Variants in TCF3 observed in about 807,000 individuals in gnomAD.
The protein encoded by TCF3 is transcription factor 3, also known as transcription factor E2-alpha.
Under a neutral mutation model 72.3 loss-of-function variants are expected in TCF3, and 54 were observed. The observed-to-expected ratio is 0.75, with a 90% CI of 0.60 to 0.94. The LOEUF is 0.94. Ranked by LOEUF, TCF3 falls within the 40% of genes least tolerant of loss-of-function variation. TCF3 has a pLI of 0.00. For missense variants in TCF3, 1,078 were observed against 934.4 expected, an observed-to-expected ratio of 1.15 and a Z score of -2.00; for synonymous variants, 525 against 412.6, an observed-to-expected ratio of 1.27 and a Z score of -3.30.
At chr19:1,629,386 C>T (rs1166094883) in intron 5 of TCF3, among the ~76,000 whole-genome samples, 3 of 152,294 alleles carry the variant, frequency 2.0e-5, no homozygotes, top group East Asian at 1.9e-4. Flanking sequence ...CGAATGAGCA[C>T]GTGACCTGCA....
chr19:1,632,105 C>T lies in TCF3; in HGVS notation c.231G>A (p.Glu77=). Residue 77 remains glutamate, a synonymous_variant, in exon 5 of 19, where the codon GAG becomes GAA. Transcript: ENST00000262965. ...SSFDPSRTFS[E]GTHFTESHSS... Reference sequence around the variant, plus strand: ...TGTGCGACTCAGTGAAGTGGGTGCCCTCGCTGAAGGTCTAGGGGAGATGGG... The same window carrying T: ...TGTGCGACTCAGTGAAGTGGGTGCCTTCGCTGAAGGTCTAGGGGAGATGGG... 6.2e-7 allele frequency: 1 copy of T among 1,613,168 alleles called. No homozygotes were observed.
At chr19:1,648,947 G>C (rs185146251) in intron 2 of TCF3, among the ~76,000 whole-genome samples, 1 of 152,138 alleles carries the variant, frequency 6.6e-6, no homozygotes, top group Non-Finnish European at 1.5e-5. Context: ...CCGAGGCCCC[G>C]GGCCTTTACA....
intron 2 of TCF3, among the ~76,000 whole-genome samples, chr19:1,646,989 G>A (rs2066214276): frequency 6.6e-6 from 1 of 152,182 alleles, no homozygotes; most frequent in South Asian, 2.1e-4. Flanking sequence ...TACCAGGGCT[G>A]GGTATGGGTT....
chr19:1,649,364 T>C (rs6510615), intron 2 of TCF3, among the ~76,000 whole-genome samples: 36,122 of 152,224 alleles, frequency 0.24, 5,070 homozygotes, highest in East Asian at 0.62. Context: ...TGGGGCAGGT[T>C]GTGTCTGCCC....
chr19:1,649,019 G>GAAC (rs1264348161), intron 2 of TCF3, among the ~76,000 whole-genome samples: 2 of 152,224 alleles, frequency 1.3e-5, no homozygotes, highest in Admixed American at 6.5e-5. Flanking sequence ...GCACCTGCCT[G>GAAC]AACTGTGTGA....
rs1174222399 is a variant in TCF3 at position 1,623,941 on chromosome 19, T to A, written c.549+10A>T. On this transcript the variant is annotated intron_variant, in intron 8 of 18. Transcript: ENST00000262965. The stretch of plus-strand genomic sequence containing the variant: ...GAGCTGTGGGGTCCCTTCTCCCTCG[T>A]GCGACTCACCGAGGATGGAAGACCC... 1 of 1,613,188 alleles carries A rather than the reference T, an allele frequency of 6.2e-7. No homozygotes were observed.
chr19:1,622,585 G>C (rs896632826), intron 8 of TCF3, among the ~76,000 whole-genome samples, 170 bp from the exon 9 acceptor site: 2 of 152,058 alleles, frequency 1.3e-5, no homozygotes, highest in African/African-American at 4.8e-5. Flanking sequence ...CAAGTTTGAG[G>C]TTCTTATGAT....
chr19:1,619,713 T>C (rs2061942797), intron 14 of TCF3, 67 bp downstream of exon 14: 3 of 1,207,580 alleles, frequency 2.5e-6, no homozygotes, highest in Non-Finnish European at 3.3e-6. Context: ...GGTTTCTCCT[T>C]CTCAAGGAGC....
chr19:1,650,275 A>C lies in TCF3; in HGVS notation c.-27T>G. ...CTCCTGGGGCCAGGGCGGGCACCTC[A>C]GGCCTGGAAACCCTGCTTGGTGGAT... On this transcript the variant is annotated 5_prime_UTR_variant, in exon 2 of 19. The change abolishes the stop of an existing upstream ORF in the 5' untranslated region. Transcript: ENST00000262965. 6.5e-7 allele frequency: 1 copy of C among 1,549,722 alleles called. No individual in the cohort carries two copies. Among genetic ancestry groups the C allele is most frequent in the South Asian group, 1.2e-5 (1 of 84,416 alleles).
chr19:1,611,621 G>A lies in TCF3; in HGVS notation c.*86C>T, dbSNP rs2060990932. ...CAACAGGTGTGTGAGGTGTGGATGT[G>A]GATGAAGCCCGGGGTCTCGAGTGGC... On this transcript the variant is annotated 3_prime_UTR_variant, in exon 19 of 19. Coordinates refer to ENST00000262965, the MANE Select transcript of TCF3 (RefSeq NM_003200.5). The A allele has an allele frequency of 4.6e-6, 7 of 1,519,188 alleles. No individual in the cohort carries two copies. The highest frequency in any genetic ancestry group is 6.2e-6 in the Non-Finnish European group (7 of 1,126,906). The allele number at this position is 1,519,188 out of a possible 1,614,324, so 94.1% of individuals were successfully genotyped here.
At chr19:1,626,756 C>T (rs1486998217) in intron 6 of TCF3, among the ~76,000 whole-genome samples, 4 of 152,202 alleles carry the variant, frequency 2.6e-5, no homozygotes, top group African/African-American at 7.2e-5. Context: ...GAGCCTGGCA[C>T]CCGGCTGGCC....
chr19:1,638,981 G>C (rs990981876), intron 3 of TCF3, among the ~76,000 whole-genome samples: 17 of 152,326 alleles, frequency 1.1e-4, no homozygotes, highest in African/African-American at 3.6e-4. Context: ...GGAGCACAAA[G>C]ATCTGCCAAG....
intron 6 of TCF3, 48 bp downstream of exon 6, chr19:1,627,311 G>A (rs1301070553): frequency 2.6e-6 from 4 of 1,513,036 alleles, no homozygotes; most frequent in Admixed American, 1.9e-5. Context: ...GTGGGTGACA[G>A]ATTTGTTTAA....
At chr19:1,644,635 C>T (rs1447236573) in intron 3 of TCF3, among the ~76,000 whole-genome samples, 2 of 152,234 alleles carry the variant, frequency 1.3e-5, no homozygotes, top group African/African-American at 2.4e-5. Context: ...TTGGCAGGTT[C>T]CTGCTGGGAC....
intron 3 of TCF3, among the ~76,000 whole-genome samples, chr19:1,645,586 C>A (rs1568501658): frequency 6.6e-6 from 1 of 152,378 alleles, no homozygotes; most frequent in South Asian, 2.1e-4. Flanking sequence ...ACCCTCAGGG[C>A]TCTGCCCCGA....
chr19:1,636,643 C>T lies in TCF3; in HGVS notation c.146-4238G>A, dbSNP rs541581217. On this transcript the variant is annotated intron_variant, in intron 3 of 18. Coordinates refer to ENST00000262965, the MANE Select transcript of TCF3 (RefSeq NM_003200.5). ...AGAAGATGAAAGACCAGGATGCCCT[C>T]GGCCCAGCTCGCGCACTGCAGCCGC... Among the ~76,000 whole-genome samples the T allele has an allele frequency of 1.6e-4, 24 of 152,282 alleles. No homozygotes were observed. The East Asian group carries it at 3.1e-3, about 20-fold the overall frequency.
chr19:1,620,761 G>C (rs1024991150), intron 13 of TCF3, among the ~76,000 whole-genome samples: 2 of 152,166 alleles, frequency 1.3e-5, no homozygotes, highest in Admixed American at 6.5e-5. Context: ...GCCCATGGGG[G>C]ACTCCCTTCC....
chr19:1,622,454 G>C, intron 8 of TCF3, 39 bp from the exon 9 acceptor site: 1 of 1,075,964 alleles, frequency 9.3e-7, no homozygotes, highest in Non-Finnish European at 1.3e-6. Flanking sequence ...AGTCAGGACG[G>C]AGGGACCACG....
At chr19:1,629,760 A>G in intron 5 of TCF3, among the ~76,000 whole-genome samples, 1 of 152,312 alleles carries the variant, frequency 6.6e-6, no homozygotes, top group South Asian at 2.1e-4. Flanking sequence ...GCGATCGAGT[A>G]ATGTACATTA....
Sources: allele counts gnomAD v4.1 joint callset (sites outside exome capture counted in the v4.1 genomes callset), GRCh38; gene constraint gnomAD v4.1.1; transcripts MANE v1.5; gene names NCBI Gene and HGNC (gene_info 2026-07-23, HGNC 2026-07-21).